Variants in ENPP2 observed in about 807,000 individuals in gnomAD.
ENPP2 encodes autotaxin.
A neutral mutation model predicts 120.2 loss-of-function variants in ENPP2; 51 were observed. The ratio of observed to expected loss-of-function variants is 0.42; its 90% CI spans 0.34 to 0.54. The LOEUF (loss-of-function observed/expected upper bound fraction) is 0.54, where lower values mean the gene tolerates loss of function less well. ENPP2 is among the 20% of genes least tolerant of loss of function. The pLI is 0.04. For missense variants in ENPP2, 920 were observed against 1,066.5 expected (o/e 0.86, Z 1.91); for synonymous variants, 365 against 366.4 (o/e 1.00, Z 0.04).
chr8:119,668,429 C>CTTTT (rs5894492), intron 1 of ENPP2, among the ~76,000 whole-genome samples: 5 of 110,544 alleles, frequency 4.5e-5, no homozygotes, highest in African/African-American at 1.0e-4. Flanking sequence ...TTTTCTTTTT[C>CTTTT]TTTTTTTTTT....
intron 1 of ENPP2, among the ~76,000 whole-genome samples, chr8:119,667,259 C>T (rs1296220092): frequency 6.6e-6 from 1 of 152,204 alleles, no homozygotes; most frequent in Non-Finnish European, 1.5e-5. Flanking sequence ...TGCCTTCCAG[C>T]CTGGCTAACC....
intron 1 of ENPP2, among the ~76,000 whole-genome samples, chr8:119,652,898 A>G (rs1489032184): frequency 1.3e-5 from 2 of 152,230 alleles, no homozygotes; most frequent in Non-Finnish European, 2.9e-5. Context: ...GAAGCAGAAT[A>G]CAAAATTTAG....
chr8:119,593,608 G>T, intron 12 of ENPP2, 144 bp downstream of exon 12: 1 of 613,398 alleles, frequency 1.6e-6, no homozygotes. Context: ...TTCAATCATG[G>T]CCTGATTTCT....
chr8:119,569,362 A>C lies in ENPP2; in HGVS notation c.1926T>G (p.Val642=), dbSNP rs748854769. 8.1e-6 allele frequency: 13 copies of C among 1,613,944 alleles called. No individual in the cohort carries two copies. The highest frequency in any genetic ancestry group is 1.1e-5 in the Non-Finnish European group (13 of 1,179,986). Residue 642 remains valine, a synonymous_variant, in exon 21 of 25, where the codon GTT becomes GTG. Transcript: ENST00000075322. ...TSYTVSKQAE[V]SSVPDHLTSC... Reference sequence around the variant, plus strand: ...TGGTCAGATGGTCAGGAACGCTGGAAACCTCAGCCTGCACGGGAGTCAGAG... The same window carrying C: ...TGGTCAGATGGTCAGGAACGCTGGACACCTCAGCCTGCACGGGAGTCAGAG...
At chr8:119,658,851 CA>C (rs1817840078) in intron 1 of ENPP2, among the ~76,000 whole-genome samples, 2 of 152,138 alleles carry the variant, frequency 1.3e-5, no homozygotes, top group Non-Finnish European at 2.9e-5. Context: ...AACAATTTAA[CA>C]AAGGAAGAGA....
At chr8:119,606,764 A>G (rs1232708355) in intron 9 of ENPP2, among the ~76,000 whole-genome samples, 2 of 152,036 alleles carry the variant, frequency 1.3e-5, no homozygotes, top group African/African-American at 4.8e-5. Flanking sequence ...GATTAATTTG[A>G]GCCTGCAGTA....
chr8:119,595,951 C>G, intron 11 of ENPP2: 1 of 1,614,016 alleles, frequency 6.2e-7, no homozygotes, highest in South Asian at 1.1e-5. Context: ...TTAGGGGCAA[C>G]TTTCCTCTTA....
At chr8:119,631,634 A>G (rs550757344) in intron 2 of ENPP2, among the ~76,000 whole-genome samples, 1 of 152,314 alleles carries the variant, frequency 6.6e-6, no homozygotes, top group Admixed American at 6.5e-5. Context: ...CAAAATGATT[A>G]AATTAACAAA....
Position 119,569,345 on chromosome 8 carries a change from T to A in ENPP2, c.1943A>T (p.His648Leu), listed in dbSNP as rs1296053065. 1.2e-6 allele frequency: 2 copies of A among 1,613,938 alleles called. No homozygotes were observed. The highest frequency in any genetic ancestry group is 2.7e-5 in the African/African-American group (2 of 74,900). ...KQAEVSSVPD[H>L]LTSCVRPDVR... Reference sequence around the variant, plus strand: ...ATCAGGCCGGACGCAACTGGTCAGATGGTCAGGAACGCTGGAAACCTCAGC... The same window carrying A: ...ATCAGGCCGGACGCAACTGGTCAGAAGGTCAGGAACGCTGGAAACCTCAGC... The change falls in exon 21 of 25, where the codon CAT becomes CTT. Residue 648 changes from histidine (H) to leucine (L), a missense_variant. His to Leu is a moderately conservative substitution (Grantham distance 99). Coordinates refer to ENST00000075322, the MANE Select transcript of ENPP2 (RefSeq NM_001040092.3).
At chr8:119,614,968 A>G (rs556868371) in intron 8 of ENPP2, among the ~76,000 whole-genome samples, 68 of 152,266 alleles carry the variant, frequency 4.5e-4, no homozygotes, top group African/African-American at 1.6e-3. Flanking sequence ...AAGTCTTTCA[A>G]TGTTTATTTT....
At chr8:119,637,920 A>T (rs1479169268) in intron 2 of ENPP2, among the ~76,000 whole-genome samples, 1 of 152,224 alleles carries the variant, frequency 6.6e-6, no homozygotes, top group Non-Finnish European at 1.5e-5. Flanking sequence ...AAAACTCTTT[A>T]AACACCTCCT....
rs190809114 is a variant in ENPP2, at chr8:119,580,304, C to T, written c.1729-137G>A. 656 of 723,668 alleles carry T rather than the reference C, an allele frequency of 9.1e-4. 2 individuals carry two copies. The highest frequency in any genetic ancestry group is 2.4e-3 in the Middle Eastern group (10 of 4,126). The allele number at this position is 723,668 out of a possible 1,614,324, so 44.8% of individuals were successfully genotyped here. A position where few individuals can be genotyped will look rare whatever the true frequency, so the allele number is the denominator to read the frequency against. ...ACTCCATCTATATCATACATTCTTT[C>T]GAGGAATTAACTGTTTTCTCTCAAA... On this transcript the variant is annotated intron_variant, in intron 18 of 24. Transcript: ENST00000075322.
intron 17 of ENPP2, among the ~76,000 whole-genome samples, chr8:119,582,977 C>T (rs1812852856): frequency 6.6e-6 from 1 of 152,160 alleles, no homozygotes; most frequent in African/African-American, 2.4e-5. Context: ...TATTTAATTC[C>T]ATGTTTTGAA....
chr8:119,629,793 A>C (rs964670663), intron 2 of ENPP2, among the ~76,000 whole-genome samples: 1 of 148,184 alleles, frequency 6.7e-6, no homozygotes, highest in Non-Finnish European at 1.5e-5. Flanking sequence ...GAAGTAAAAC[A>C]AAAAAAAAAT....
chr8:119,607,631 C>T (rs921075524), intron 9 of ENPP2, among the ~76,000 whole-genome samples: 15 of 150,572 alleles, frequency 1.0e-4, no homozygotes, highest in Middle Eastern at 3.4e-3. Flanking sequence ...GCCAAGATTG[C>T]GCCACTGCAC....
At chr8:119,633,543 T>A (rs1415383540) in intron 2 of ENPP2, among the ~76,000 whole-genome samples, 1 of 151,364 alleles carries the variant, frequency 6.6e-6, no homozygotes, top group East Asian at 1.9e-4. Context: ...CAGAGGACAG[T>A]GTGCGTGGCA....
intron 5 of ENPP2, among the ~76,000 whole-genome samples, 197 bp from the exon 6 acceptor site, chr8:119,617,760 C>A (rs1815573540): frequency 6.6e-6 from 1 of 152,066 alleles, no homozygotes; most frequent in South Asian, 2.1e-4. Context: ...ACCAGCCTGG[C>A]AACATGGTGA....
At position 119,601,391 on chromosome 8, in the gene ENPP2, A is replaced by G. The variant is rs1187339098; in HGVS notation, c.899+6T>C. 1.6e-5 allele frequency: 25 copies of G among 1,566,196 alleles called. No homozygotes were observed. The Admixed American group carries it at 4.2e-4, about 26-fold the overall frequency. ...CTGAAGAAAGAAGAAAGAGAGAAAT[A>G]AATACCTCTCATGATCTGGCAGGGT... On this transcript the variant is annotated splice_donor_region_variant and intron_variant, in intron 10 of 24. Coordinates refer to ENST00000075322, the MANE Select transcript of ENPP2 (RefSeq NM_001040092.3).
intron 19 of ENPP2, chr8:119,573,052 C>T (rs957004465): frequency 6.6e-6 from 1 of 152,166 alleles, no homozygotes; most frequent in African/African-American, 2.4e-5. Context: ...ATATTCAGCC[C>T]TCATGGAAGA....
Sources: allele counts gnomAD v4.1 joint callset (sites outside exome capture counted in the v4.1 genomes callset), GRCh38; gene constraint gnomAD v4.1.1; transcripts MANE v1.5; gene names NCBI Gene and HGNC (gene_info 2026-07-23, HGNC 2026-07-21).